The following IGSF5 variants were observed in gnomAD, a reference collection of about 807,000 sequenced individuals.
IGSF5 encodes immunoglobulin superfamily 5 like.
A neutral mutation model predicts 39.4 loss-of-function variants in IGSF5; 41 were observed. The ratio of observed to expected loss-of-function variants is 1.04; its 90% CI spans 0.81 to 1.35. The LOEUF is 1.35. Among genes scored for constraint, IGSF5 ranks in the 40% most tolerant of loss-of-function variants. The pLI is 0.00. For synonymous variants in IGSF5, 183 were observed against 175.3 expected (o/e 1.04, Z -0.34); for missense variants, 487 against 494.6 (o/e 0.98, Z 0.15).
chr21:39,740,161 C>G, the IGSF5 span, among the ~76,000 whole-genome samples: 1 of 152,206 alleles, frequency 6.6e-6, no homozygotes, highest in Non-Finnish European at 1.5e-5. Context: ...CTTCTGAATA[C>G]TGGGGCTTGG....
intron 2 of IGSF5, among the ~76,000 whole-genome samples, chr21:39,750,491 G>A (rs1367912889): frequency 2.3e-5 from 3 of 132,354 alleles, no homozygotes; most frequent in African/African-American, 8.3e-5. Flanking sequence ...CTGGGTAACA[G>A]AGCAAGACAC....
At chr21:39,762,027 GGACAGGAGAGAA>G (rs2146277667) in intron 2 of IGSF5, among the ~76,000 whole-genome samples, 1 of 152,234 alleles carries the variant, frequency 6.6e-6, no homozygotes, top group Admixed American at 6.5e-5. Flanking sequence ...ATGCCTGGTA[GGACAGGAGAGAA>G]AGCAAGAGGG....
At chr21:39,760,050 A>G (rs2146276562) in intron 2 of IGSF5, among the ~76,000 whole-genome samples, 2 of 152,252 alleles carry the variant, frequency 1.3e-5, no homozygotes, top group Middle Eastern at 6.8e-3. Context: ...AAGCGTTCAA[A>G]TGCTTCATGT....
Position 39,779,163 on chromosome 21 carries a change from G to A in IGSF5, c.792G>A (p.Trp264Ter). Residue 264 changes from tryptophan (W) to a stop codon, truncating the protein, a stop_gained, in exon 5 of 9, where the codon TGG becomes TGA. Coordinates refer to ENST00000380588, the MANE Select transcript of IGSF5 (RefSeq NM_001080444.2). LOFTEE classifies it high-confidence loss of function. ...GTTTAGGTTTTTCATTGCCTACTTG[G>A]GGCAAAGTTGGACTTGGACTAGCAG... ...LPSLGFSLPT[W>*]GKVGLGLAGT... The A allele has an allele frequency of 6.2e-7, 1 of 1,614,024 alleles. No individual in the cohort carries two copies. The highest frequency in any genetic ancestry group is 8.5e-7 in the Non-Finnish European group (1 of 1,179,984).
At chr21:39,725,869 C>G in the IGSF5 span, 4 of 152,134 alleles carry the variant, frequency 2.6e-5, no homozygotes, top group Admixed American at 6.5e-5. Context: ...CTTGGTAAAT[C>G]TTGGCTGCGG....
At chr21:39,731,184 G>A in the IGSF5 span, among the ~76,000 whole-genome samples, 2 of 152,192 alleles carry the variant, frequency 1.3e-5, no homozygotes, top group Admixed American at 6.5e-5. Context: ...GGTGTTATAA[G>A]ATAATCTAGG....
chr21:39,785,547 T>C lies in IGSF5; in HGVS notation c.935-2620T>C, dbSNP rs1458556355. Among the ~76,000 whole-genome samples the C allele has an allele frequency of 2.6e-5, 4 of 152,170 alleles. No homozygotes were observed. In the East Asian group the frequency reaches 7.7e-4, roughly 29 times the overall value. On this transcript the variant is annotated intron_variant, in intron 5 of 8. Coordinates refer to ENST00000380588, the MANE Select transcript of IGSF5 (RefSeq NM_001080444.2). ...ATTGATTTGGCGATGTGGGCTCTTTTTTGGTTCCATATGAACTTTAAAGTA... is the reference window on the plus strand; with the variant it reads ...ATTGATTTGGCGATGTGGGCTCTTTCTTGGTTCCATATGAACTTTAAAGTA...
chr21:39,736,192 C>T, the IGSF5 span, among the ~76,000 whole-genome samples: 2 of 152,244 alleles, frequency 1.3e-5, no homozygotes, highest in South Asian at 4.1e-4. Context: ...CTCATCCTAC[C>T]CACTTAATGC....
rs941348150 is a variant in IGSF5 at position 39,801,337 on chromosome 21, A to G, written c.1204A>G (p.Ser402Gly). ...SFNLASPEKV[S>G]NTTVV is the part of the protein sequence containing the mutation. Reference sequence around the variant, plus strand: ...TAATCTGGCCAGTCCTGAGAAGGTCAGTAATACAACTGTAGTATAGCAAAG... The same window carrying G: ...TAATCTGGCCAGTCCTGAGAAGGTCGGTAATACAACTGTAGTATAGCAAAG... Residue 402 changes from serine (S) to glycine (G), a missense_variant, in exon 9 of 9, where the codon AGT becomes GGT. Ser to Gly is a moderately conservative substitution (Grantham distance 56). Transcript: ENST00000380588. The G allele has an allele frequency of 2.5e-6, 4 of 1,613,682 alleles. No individual in the cohort carries two copies. The East Asian group carries it at 6.7e-5, about 27-fold the overall frequency.
intron 2 of IGSF5, among the ~76,000 whole-genome samples, chr21:39,749,136 C>T (rs1765915395): frequency 6.6e-6 from 1 of 151,324 alleles, no homozygotes; most frequent in Admixed American, 6.6e-5. Context: ...ATATATCTAA[C>T]GTTGTAGGGG....
At chr21:39,794,414 A>G (rs1348476323) in intron 8 of IGSF5, among the ~76,000 whole-genome samples, 1 of 152,116 alleles carries the variant, frequency 6.6e-6, no homozygotes, top group African/African-American at 2.4e-5. Context: ...TTGGTTGGCA[A>G]TGTTTCGATG....
intron 8 of IGSF5, among the ~76,000 whole-genome samples, chr21:39,797,616 A>G (rs2087004103): frequency 6.6e-6 from 1 of 152,158 alleles, no homozygotes; most frequent in Admixed American, 6.5e-5. Flanking sequence ...TCCTGGGCTC[A>G]AGGGATCCTC....
chr21:39,757,576 ATTCTT>A (rs2080037663), intron 2 of IGSF5, among the ~76,000 whole-genome samples: 2 of 142,032 alleles, frequency 1.4e-5, no homozygotes, highest in Non-Finnish European at 1.5e-5. Flanking sequence ...AGAAATGTGC[ATTCTT>A]TTTTTTTTTT....
chr21:39,800,181 T>A (rs1033003877), intron 8 of IGSF5, among the ~76,000 whole-genome samples: 2 of 152,238 alleles, frequency 1.3e-5, no homozygotes, highest in Admixed American at 6.5e-5. Flanking sequence ...TTTTTTATTT[T>A]GGCGAATATT....
At chr21:39,718,965 A>G in the IGSF5 span, among the ~76,000 whole-genome samples, 1 of 152,084 alleles carries the variant, frequency 6.6e-6, no homozygotes, top group Non-Finnish European at 1.5e-5. Context: ...TGGGCTCTGA[A>G]TTCATCACAT....
At chr21:39,800,855 C>A (rs1428461514) in intron 8 of IGSF5, among the ~76,000 whole-genome samples, 1 of 152,208 alleles carries the variant, frequency 6.6e-6, no homozygotes, top group African/African-American at 2.4e-5. Flanking sequence ...GGTGGGTGAT[C>A]TATCTGGAGT....
chr21:39,746,353 G>C (rs2079974811), intron 2 of IGSF5, 55 bp downstream of exon 2: 1 of 689,444 alleles, frequency 1.5e-6, no homozygotes. Context: ...GAGTGCAGTT[G>C]CAAGATTTAA....
In IGSF5 at chr21:39,747,168, G is replaced by C. The variant is rs551961425; in HGVS notation, c.100+870G>C. ...TGAACTCACAGCTCCATGTGGCTGG[G>C]GAGGCCTCACAATCATGGCCGAAGG... On this transcript the variant is annotated intron_variant, in intron 2 of 8. Transcript: ENST00000380588. 6.6e-5 allele frequency among the ~76,000 whole-genome samples: 10 copies of C among 152,300 alleles called. No homozygotes were observed. In the East Asian group the frequency reaches 1.9e-3, roughly 29 times the overall value.
At chr21:39,738,698 G>A in the IGSF5 span, among the ~76,000 whole-genome samples, 55 of 152,044 alleles carry the variant, frequency 3.6e-4, no homozygotes, top group East Asian at 8.3e-3. The surrounding 1 kb of genome is among the most constrained non-coding windows in gnomAD (Gnocchi z 6.4). Flanking sequence ...GACACTGGGC[G>A]AGTAGACACA....
Sources: gnomAD v4.1 joint callset for allele counts (sites outside exome capture counted in the v4.1 genomes callset) on GRCh38, gnomAD v4.1.1 for gene constraint, Gnocchi (gnomAD v3.1) non-coding constraint, MANE v1.5 for transcripts, NCBI Gene and HGNC (gene_info 2026-07-23, HGNC 2026-07-21) for gene names.